The following ARNT2 variants were observed in gnomAD, a reference collection of about 807,000 sequenced individuals.
ARNT2 encodes ARNT protein 2.
In ARNT2, 36 loss-of-function variants were observed where a neutral mutation model predicts 91.7. That is an observed-to-expected ratio of 0.39 (90% CI 0.30 to 0.52). The LOEUF is 0.52. Among genes scored for constraint, ARNT2 ranks in the 20% least tolerant of loss-of-function variants. The pLI is 0.72. For synonymous variants in ARNT2, 365 were observed against 347.1 expected, an observed-to-expected ratio of 1.05 and a Z score of -0.57; for missense variants, 775 against 939.3, an observed-to-expected ratio of 0.83 and a Z score of 2.29.
intron 8 of ARNT2, among the ~76,000 whole-genome samples, chr15:80,517,334 A>G (rs1566991625): frequency 6.6e-6 from 1 of 152,192 alleles, no homozygotes; most frequent in East Asian, 1.9e-4. Flanking sequence ...TTGTTCTTCT[A>G]TAGGTAGTGT....
At chr15:80,515,972 C>T (rs537580006) in intron 8 of ARNT2, among the ~76,000 whole-genome samples, 7 of 151,142 alleles carry the variant, frequency 4.6e-5, no homozygotes, top group East Asian at 3.9e-4. Context: ...CGGGTTCAAG[C>T]GATTCTCCTG....
chr15:80,582,415 G>C (rs988739321), intron 17 of ARNT2, among the ~76,000 whole-genome samples: 6 of 151,110 alleles, frequency 4.0e-5, no homozygotes, highest in African/African-American at 1.5e-4. Flanking sequence ...AGGATCATTT[G>C]ATCCCAGGAG....
intron 11 of ARNT2, among the ~76,000 whole-genome samples, chr15:80,557,124 T>C (rs543056955): frequency 2.0e-5 from 3 of 152,280 alleles, no homozygotes; most frequent in Non-Finnish European, 1.5e-5. Flanking sequence ...TTTGCACAAA[T>C]TGACACAGGA....
chr15:80,588,710 C>T lies in ARNT2; in HGVS notation c.1919-2858C>T, dbSNP rs143455422. 6.0e-4 allele frequency among the ~76,000 whole-genome samples: 91 copies of T among 152,290 alleles called. 1 individual carries two copies. The highest frequency in any genetic ancestry group is 2.1e-3 in the African/African-American group (88 of 41,558). On this transcript the variant is annotated intron_variant, in intron 17 of 18. Coordinates refer to ENST00000303329, the MANE Select transcript of ARNT2 (RefSeq NM_014862.4). ...TCTCTAGAATTATTTTCAACCTTAC[C>T]TCCAAGCCCTATACCGGATTAATTA...
intron 8 of ARNT2, among the ~76,000 whole-genome samples, chr15:80,534,735 T>C (rs750353860): frequency 6.6e-6 from 1 of 152,208 alleles, no homozygotes; most frequent in African/African-American, 2.4e-5. Context: ...AGTCTGCAGC[T>C]CTTGCAAAAG....
intron 1 of ARNT2, among the ~76,000 whole-genome samples, chr15:80,430,811 C>T (rs768919308): frequency 9.2e-5 from 14 of 152,196 alleles, no homozygotes; most frequent in Non-Finnish European, 2.1e-4. Flanking sequence ...ACCCTGACAG[C>T]AGTTGGGCAG....
intron 8 of ARNT2, among the ~76,000 whole-genome samples, chr15:80,527,812 G>A (rs1207248685): frequency 6.6e-6 from 1 of 152,186 alleles, no homozygotes; most frequent in African/African-American, 2.4e-5. Flanking sequence ...GTGGGAGAGA[G>A]ACACTGTGTT....
rs1595987830 is a variant in ARNT2, at chr15:80,500,970, A to C, written c.623-7186A>C. Among the ~76,000 whole-genome samples, 3 of 152,346 alleles carry C rather than the reference A, an allele frequency of 2.0e-5. No homozygotes were observed. The South Asian group carries it at 6.2e-4, about 32-fold the overall frequency. On this transcript the variant is annotated intron_variant, in intron 5 of 18. Coordinates refer to ENST00000303329, the MANE Select transcript of ARNT2 (RefSeq NM_014862.4). ...TGTCTTAGAAAAATTACAGTAAAAA[A>C]CTTTGAGGTAAGGTGGTCATAATTC... is the stretch of plus-strand genomic sequence containing the variant.
intron 14 of ARNT2, among the ~76,000 whole-genome samples, chr15:80,576,436 C>T (rs184475923): frequency 1.1e-3 from 175 of 152,254 alleles, no homozygotes; most frequent in Non-Finnish European, 2.3e-3. Flanking sequence ...GCCACCATGC[C>T]TGGCTAATTT....
chr15:80,552,053 G>A (rs1686909168), intron 9 of ARNT2, among the ~76,000 whole-genome samples: 1 of 152,068 alleles, frequency 6.6e-6, no homozygotes, highest in Admixed American at 6.5e-5. Context: ...GGACATTGAG[G>A]GTCTTCCCCA....
At chr15:80,592,250 G>C (rs1208043441) in intron 18 of ARNT2, among the ~76,000 whole-genome samples, 1 of 152,200 alleles carries the variant, frequency 6.6e-6, no homozygotes, top group Non-Finnish European at 1.5e-5. Context: ...ACCATCCCTC[G>C]TGTCTAAGGC....
At chr15:80,568,976 C>G (rs909906323) in intron 12 of ARNT2, among the ~76,000 whole-genome samples, 1 of 152,122 alleles carries the variant, frequency 6.6e-6, no homozygotes, top group Non-Finnish European at 1.5e-5. Context: ...TTGACTGGAC[C>G]GTGCTGCTCC....
chr15:80,438,057 T>G (rs1274078146), intron 1 of ARNT2, among the ~76,000 whole-genome samples: 1 of 152,196 alleles, frequency 6.6e-6, no homozygotes, highest in Non-Finnish European at 1.5e-5. Context: ...TATGTTTGGC[T>G]GTGATTGAGG....
intron 8 of ARNT2, among the ~76,000 whole-genome samples, chr15:80,544,793 A>T (rs1897965046): frequency 6.6e-6 from 1 of 152,216 alleles, no homozygotes; most frequent in Non-Finnish European, 1.5e-5. Flanking sequence ...CTATTTTTGT[A>T]GGAAGAACAG....
intron 3 of ARNT2, among the ~76,000 whole-genome samples, chr15:80,465,933 C>G (rs557881788): frequency 6.6e-6 from 1 of 152,332 alleles, no homozygotes; most frequent in South Asian, 2.1e-4. Flanking sequence ...CCTGCTCACT[C>G]TCTGTTGCCC....
At chr15:80,534,184 C>G (rs1185157001) in intron 8 of ARNT2, among the ~76,000 whole-genome samples, 3 of 152,170 alleles carry the variant, frequency 2.0e-5, no homozygotes, top group Non-Finnish European at 4.4e-5. Flanking sequence ...CATTGAGGGG[C>G]AGGGTTCTAG....
Position 80,513,975 on chromosome 15 carries a change from A to G in ARNT2, c.790A>G (p.Arg264Gly), listed in dbSNP as rs1465397321. Reference sequence around the variant, plus strand: ...AATAACCACCATGAGGAAAAGGTTCAGGTCAGTATCTCTTCCGATGTATAT... The same window carrying G: ...AATAACCACCATGAGGAAAAGGTTCGGGTCAGTATCTCTTCCGATGTATAT... ...NRITTMRKRFRNGLGPVKEGE... is the reference protein window; with the variant it reads ...NRITTMRKRFGNGLGPVKEGE... The change falls in exon 7 of 19, where the codon AGG becomes GGG. Residue 264 changes from arginine (R) to glycine (G), a missense_variant and splice_region_variant. Coordinates refer to ENST00000303329, the MANE Select transcript of ARNT2 (RefSeq NM_014862.4). 2.5e-6 allele frequency: 4 copies of G among 1,611,978 alleles called. No homozygotes were observed. The highest frequency in any genetic ancestry group is 3.4e-6 in the Non-Finnish European group (4 of 1,178,180).
At chr15:80,544,253 T>A (rs957692331) in intron 8 of ARNT2, among the ~76,000 whole-genome samples, 2 of 152,252 alleles carry the variant, frequency 1.3e-5, no homozygotes, top group Non-Finnish European at 1.5e-5. Flanking sequence ...TGGGTTGTAT[T>A]TTCCAGCTTT....
chr15:80,409,327 A>G (rs889394452), intron 1 of ARNT2, among the ~76,000 whole-genome samples: 7 of 152,222 alleles, frequency 4.6e-5, no homozygotes, highest in Admixed American at 1.3e-4. Context: ...GGATTCATGC[A>G]TTACGTAGCC....
Sources: allele counts gnomAD v4.1 joint callset (sites outside exome capture counted in the v4.1 genomes callset), GRCh38; gene constraint gnomAD v4.1.1; transcripts MANE v1.5; gene names NCBI Gene and HGNC (gene_info 2026-07-23, HGNC 2026-07-21).